CAST: variants seen among roughly 807,000 people sequenced by gnomAD.
CAST encodes calpastatin.
In CAST, 76 loss-of-function variants were observed where a neutral mutation model predicts 119.6. The observed-to-expected ratio is 0.64, with a 90% CI of 0.53 to 0.77. The LOEUF is 0.77. Ranked by LOEUF, CAST falls within the 30% of genes least tolerant of loss-of-function variation. The pLI is 0.00. For missense variants in CAST, 953 were observed against 946.5 expected (o/e 1.01, Z -0.09); for synonymous variants, 319 against 331.6 (o/e 0.96, Z 0.41).
At chr5:96,260,554 A>T in the CAST span, among the ~76,000 whole-genome samples, 1 of 152,210 alleles carries the variant, frequency 6.6e-6, no homozygotes, top group Non-Finnish European at 1.5e-5. Context: ...TAATATATGC[A>T]TTTATAATGA....
chr5:96,124,567 A>G, the CAST span, among the ~76,000 whole-genome samples: 1 of 152,036 alleles, frequency 6.6e-6, no homozygotes, highest in Non-Finnish European at 1.5e-5. Context: ...AATTTTTTTC[A>G]TCTTAATGTA....
At chr5:96,522,095 G>A (rs59940605), upstream of CAST, among the ~76,000 whole-genome samples, 1,262 of 151,378 alleles carry the variant, frequency 8.3e-3, 24 homozygotes, top group African/African-American at 0.029. Flanking sequence ...CAGCCTGGGC[G>A]ACAGAGCAAG....
At chr5:96,379,069 C>CA in the CAST span, among the ~76,000 whole-genome samples, 474 of 152,078 alleles carry the variant, frequency 3.1e-3, 3 homozygotes, top group African/African-American at 0.011. Flanking sequence ...TCATTTTTGC[C>CA]AAAATTTCTA....
chr5:96,282,013 G>A, the CAST span, among the ~76,000 whole-genome samples: 1 of 152,156 alleles, frequency 6.6e-6, no homozygotes, highest in Non-Finnish European at 1.5e-5. Flanking sequence ...GGCTCCACTT[G>A]AGTCCTATGT....
the CAST span, among the ~76,000 whole-genome samples, chr5:96,215,785 A>G: frequency 1.3e-3 from 199 of 152,112 alleles, 1 homozygote; most frequent in Non-Finnish European, 2.1e-3. Context: ...AATAATAAAT[A>G]TATTTTTCTC....
At chr5:96,288,990 G>C in the CAST span, among the ~76,000 whole-genome samples, 1 of 151,778 alleles carries the variant, frequency 6.6e-6, no homozygotes, top group African/African-American at 2.4e-5. Context: ...GCAATCAATA[G>C]TTTGGATTGC....
intron 1 of CAST, among the ~76,000 whole-genome samples, chr5:96,607,279 C>T (rs949605696): frequency 1.6e-4 from 24 of 152,142 alleles, no homozygotes; most frequent in African/African-American, 5.6e-4. Flanking sequence ...CAGAGCGGGA[C>T]TCCGTCTCAA....
chr5:96,180,103 A>C, the CAST span, among the ~76,000 whole-genome samples: 9 of 152,166 alleles, frequency 5.9e-5, no homozygotes. Flanking sequence ...CAGGAGTTGC[A>C]CATTTGTTGT....
At chr5:96,408,002 A>T in the CAST span, among the ~76,000 whole-genome samples, 1 of 152,224 alleles carries the variant, frequency 6.6e-6, no homozygotes, top group African/African-American at 2.4e-5. Flanking sequence ...ATTACAAAAT[A>T]ACGTCTATAT....
chr5:96,524,181 T>C (rs1026192879), upstream of CAST, among the ~76,000 whole-genome samples: 4 of 152,362 alleles, frequency 2.6e-5, no homozygotes, highest in Middle Eastern at 3.4e-3. Context: ...ATTCTCATAC[T>C]GTTCATACAG....
the CAST span, among the ~76,000 whole-genome samples, chr5:96,051,002 G>A: frequency 1.3e-5 from 2 of 152,160 alleles, no homozygotes; most frequent in Non-Finnish European, 2.9e-5. Context: ...GACAAAGGCA[G>A]TATTTACACA....
chr5:96,625,128 A>G (rs1747695616), intron 1 of CAST, among the ~76,000 whole-genome samples: 1 of 152,248 alleles, frequency 6.6e-6, no homozygotes, highest in African/African-American at 2.4e-5. Context: ...GCAGCAATAA[A>G]GAGTGCCAGT....
the CAST span, among the ~76,000 whole-genome samples, chr5:96,059,164 A>C: frequency 6.6e-6 from 1 of 152,046 alleles, no homozygotes; most frequent in Non-Finnish European, 1.5e-5. Context: ...TCCTTGGTGG[A>C]TCTGCTCCCA....
At chr5:96,721,603 C>G (rs2150399943) in intron 3 of CAST, among the ~76,000 whole-genome samples, 1 of 152,290 alleles carries the variant, frequency 6.6e-6, no homozygotes, top group South Asian at 2.1e-4. Flanking sequence ...CAGCTGTTTA[C>G]TGACAGTCAG....
the CAST span, among the ~76,000 whole-genome samples, chr5:96,034,462 TACACACACACAC>T: frequency 0.014 from 1,434 of 101,824 alleles, 32 homozygotes; most frequent in African/African-American, 0.048. Flanking sequence ...GTATATATCA[TACACACACACAC>T]ACACACACAC....
At chr5:96,310,991 C>T in the CAST span, among the ~76,000 whole-genome samples, 3 of 151,648 alleles carry the variant, frequency 2.0e-5, no homozygotes, top group East Asian at 5.8e-4. Context: ...CTTTGTTCTT[C>T]TTTTTCTATT....
At chr5:96,618,941 T>C (rs1408340143) in intron 1 of CAST, among the ~76,000 whole-genome samples, 2 of 152,212 alleles carry the variant, frequency 1.3e-5, no homozygotes, top group African/African-American at 2.4e-5. Context: ...GAGTGGGGAC[T>C]TGGAGAACTT....
the CAST span, chr5:96,423,437 G>A: frequency 2.5e-6 from 4 of 1,614,012 alleles, no homozygotes; most frequent in South Asian, 3.3e-5. Context: ...CTTGGGCAGG[G>A]CTGCCGTCAT....
the CAST span, among the ~76,000 whole-genome samples, chr5:96,183,739 T>TA: frequency 6.6e-6 from 1 of 152,212 alleles, no homozygotes; most frequent in Non-Finnish European, 1.5e-5. Context: ...TCTTCATCTG[T>TA]AAAATGATAC....
Sources: gnomAD v4.1 joint callset for allele counts (sites outside exome capture counted in the v4.1 genomes callset) on GRCh38, gnomAD v4.1.1 for gene constraint, MANE v1.5 for transcripts, NCBI Gene and HGNC (gene_info 2026-07-23, HGNC 2026-07-21) for gene names.